The following COL19A1 variants were observed in gnomAD, a reference collection of about 807,000 sequenced individuals.
COL19A1 encodes collagen type XIX alpha 1 chain.
COL19A1 carries 159 observed loss-of-function variants against 190.2 expected under a neutral mutation model. That is an observed-to-expected ratio of 0.84 (90% CI 0.73 to 0.95). The LOEUF is 0.95. COL19A1 is among the 40% of genes least tolerant of loss of function. The pLI is 0.00. For synonymous variants in COL19A1, 509 were observed against 458.9 expected (o/e 1.11, Z -1.39); for missense variants, 1,418 against 1,431.9 (o/e 0.99, Z 0.16).
At chr6:69,999,484 T>G (rs1056007072) in intron 11 of COL19A1, among the ~76,000 whole-genome samples, 5 of 152,174 alleles carry the variant, frequency 3.3e-5, no homozygotes, top group African/African-American at 7.2e-5. Flanking sequence ...CAGTGACCTG[T>G]GATCGTATCA....
chr6:69,934,396 G>A (rs1772972738), intron 7 of COL19A1, among the ~76,000 whole-genome samples: 1 of 151,866 alleles, frequency 6.6e-6, no homozygotes, highest in Non-Finnish European at 1.5e-5. Flanking sequence ...TTTGATGTCA[G>A]AGTTTTTAAA....
intron 15 of COL19A1, among the ~76,000 whole-genome samples, chr6:70,069,454 C>G (rs545375419): frequency 6.6e-6 from 1 of 152,172 alleles, no homozygotes; most frequent in South Asian, 2.1e-4. Context: ...TTAACTTGTT[C>G]TCTTATCGTA....
chr6:70,162,264 C>A (rs1315930438), intron 35 of COL19A1, among the ~76,000 whole-genome samples: 1 of 151,944 alleles, frequency 6.6e-6, no homozygotes, highest in Admixed American at 6.6e-5. Context: ...TTGGCACTAA[C>A]CTTTAGAAGA....
rs191494332 is a variant in COL19A1, at chr6:70,039,975, A to G, written c.1170+4036A>G. Among the ~76,000 whole-genome samples, 4 of 151,400 alleles carry G rather than the reference A, an allele frequency of 2.6e-5. No homozygotes were observed. In the East Asian group the frequency reaches 7.8e-4, roughly 29 times the overall value. ...AAGACAAAGTCTTGCTATGTTGCCT[A>G]GGCTGGTCTTAAACTCCTGAGCTCA... On this transcript the variant is annotated intron_variant, in intron 14 of 50. Coordinates refer to ENST00000620364, the MANE Select transcript of COL19A1 (RefSeq NM_001858.6).
At chr6:70,088,592 T>G (rs188121663) in intron 15 of COL19A1, among the ~76,000 whole-genome samples, 111 of 152,300 alleles carry the variant, frequency 7.3e-4, no homozygotes, top group African/African-American at 2.5e-3. Context: ...TGTCCACGTT[T>G]AATGCAGACT....
chr6:70,100,846 G>T (rs1399318974), intron 15 of COL19A1, among the ~76,000 whole-genome samples: 1 of 152,084 alleles, frequency 6.6e-6, no homozygotes, highest in African/African-American at 2.4e-5. Context: ...TTATAGAAAA[G>T]GCTGCTGTTT....
At chr6:70,097,325 T>C (rs897454772) in intron 15 of COL19A1, among the ~76,000 whole-genome samples, 27 of 152,254 alleles carry the variant, frequency 1.8e-4, no homozygotes, top group Admixed American at 1.6e-3. Context: ...TTTATTTTAC[T>C]TAGTATAATG....
chr6:70,050,646 T>G (rs1444655881), intron 14 of COL19A1, among the ~76,000 whole-genome samples: 1 of 152,086 alleles, frequency 6.6e-6, no homozygotes, highest in Non-Finnish European at 1.5e-5. Context: ...ATCACTTACT[T>G]GGATATCATA....
chr6:69,935,446 A>C (rs949894634), intron 7 of COL19A1, among the ~76,000 whole-genome samples: 1 of 152,044 alleles, frequency 6.6e-6, no homozygotes, highest in Non-Finnish European at 1.5e-5. Context: ...GAAAGCCATG[A>C]GGTAAGAACT....
In COL19A1 at chr6:70,180,500, C is replaced by G. The variant is rs369271643; in HGVS notation, c.2752C>G (p.Pro918Ala). 6.2e-7 allele frequency: 1 copy of G among 1,613,932 alleles called. No homozygotes were observed. Among genetic ancestry groups the G allele is most frequent in the Non-Finnish European group, 8.5e-7 (1 of 1,179,986 alleles). Residue 918 changes from proline (P) to alanine (A), a missense_variant, in exon 44 of 51, where the codon CCA becomes GCA. Physicochemically the swap from Pro to Ala is conservative, Grantham distance 27. Coordinates refer to ENST00000620364, the MANE Select transcript of COL19A1 (RefSeq NM_001858.6). The part of the protein sequence containing the change: ...GPVGDIGFPG[P>A]EGPSGKPGIN... ...TGTTGGAGATATAGGTTTCCCTGGA[C>G]CAGAAGGACCCTCAGGAAAGCCAGT...
intron 40 of COL19A1, among the ~76,000 whole-genome samples, chr6:70,171,080 A>T (rs1351441977): frequency 6.6e-6 from 1 of 152,228 alleles, no homozygotes; most frequent in East Asian, 1.9e-4. Flanking sequence ...CATGGGCTGC[A>T]TGCAGCTCAG....
At chr6:69,904,623 G>A (rs1770419814) in intron 4 of COL19A1, among the ~76,000 whole-genome samples, 1 of 152,228 alleles carries the variant, frequency 6.6e-6, no homozygotes, top group African/African-American at 2.4e-5. Flanking sequence ...AGATGGTCAT[G>A]TTGTACCTTT....
At chr6:70,043,780 G>A (rs549463480) in intron 14 of COL19A1, among the ~76,000 whole-genome samples, 1 of 152,118 alleles carries the variant, frequency 6.6e-6, no homozygotes, top group East Asian at 1.9e-4. Flanking sequence ...GCACAGGCAG[G>A]GTAAATGTAG....
At chr6:69,999,116 G>A (rs1162587268) in intron 11 of COL19A1, among the ~76,000 whole-genome samples, 6 of 151,340 alleles carry the variant, frequency 4.0e-5, no homozygotes, top group Admixed American at 2.6e-4. Context: ...GTAGAGATGG[G>A]GTTTCACCAT....
intron 19 of COL19A1, 141 bp downstream of exon 19, chr6:70,137,888 A>G: frequency 2.8e-6 from 2 of 723,276 alleles, no homozygotes; most frequent in South Asian, 3.6e-5. Flanking sequence ...AGCAAGTACT[A>G]GCTACGCTAT....
intron 19 of COL19A1, among the ~76,000 whole-genome samples, chr6:70,139,553 AT>A (rs1271545882): frequency 6.6e-6 from 1 of 152,068 alleles, no homozygotes; most frequent in Admixed American, 6.6e-5. Context: ...ATTTTACATT[AT>A]TACGGAGAGC....
At position 70,180,369 on chromosome 6, in the gene COL19A1, T is replaced by C. The variant is rs771349061; in HGVS notation, c.2712+13T>C. ...TCCAGGGGAACCGGTGAGTTGGCAG[T>C]TACTTTCATGACAGTTGTACTTGTG... On this transcript the variant is annotated intron_variant, in intron 43 of 50. Coordinates refer to ENST00000620364, the MANE Select transcript of COL19A1 (RefSeq NM_001858.6). The C allele has an allele frequency of 6.2e-7, 1 of 1,614,156 alleles. No homozygotes were observed. The highest frequency in any genetic ancestry group is 8.5e-7 in the Non-Finnish European group (1 of 1,180,012).
intron 9 of COL19A1, among the ~76,000 whole-genome samples, chr6:69,953,151 T>C (rs2150036826): frequency 6.6e-6 from 1 of 152,178 alleles, no homozygotes; most frequent in South Asian, 2.1e-4. Flanking sequence ...ACAACTTAGC[T>C]TTATTCTATC....
At chr6:70,019,290 A>G (rs191260497) in intron 11 of COL19A1, among the ~76,000 whole-genome samples, 24 of 152,238 alleles carry the variant, frequency 1.6e-4, no homozygotes, top group Non-Finnish European at 2.6e-4. Flanking sequence ...AGTCCTTATT[A>G]TGTAAGGTGC....
Sources: allele counts gnomAD v4.1 joint callset (sites outside exome capture counted in the v4.1 genomes callset), GRCh38; gene constraint gnomAD v4.1.1; transcripts MANE v1.5; gene names NCBI Gene and HGNC (gene_info 2026-07-23, HGNC 2026-07-21).